SLC25A31: variants seen among roughly 807,000 people sequenced by gnomAD.
The protein encoded by SLC25A31 is ADP/ATP translocase 4.
A neutral mutation model predicts 36.2 loss-of-function variants in SLC25A31; 40 were observed. That is an observed-to-expected ratio of 1.10 (90% CI 0.86 to 1.44). The LOEUF is 1.44. SLC25A31 is among the 40% of genes most tolerant of loss of function. The probability of loss-of-function intolerance (pLI) is 0.00; values close to 1 mark genes in which losing one functional copy is unlikely to be tolerated. For synonymous variants in SLC25A31, 143 were observed against 149.7 expected (o/e 0.96, Z 0.32); for missense variants, 350 against 397.1 (o/e 0.88, Z 1.01).
chr4:127,762,825 G>A (rs924440650), intron 2 of SLC25A31, among the ~76,000 whole-genome samples: 2 of 151,926 alleles, frequency 1.3e-5, no homozygotes, highest in Admixed American at 1.3e-4. Flanking sequence ...TCAGGAGGCT[G>A]AGGCAGGAGA....
At chr4:127,731,336 G>C (rs1731521563) in intron 1 of SLC25A31, among the ~76,000 whole-genome samples, 1 of 152,108 alleles carries the variant, frequency 6.6e-6, no homozygotes, top group South Asian at 2.1e-4. Context: ...GAAGACCAAG[G>C]GGGTACTTCG....
At chr4:127,772,459 A>G (rs1172748852) in intron 5 of SLC25A31, among the ~76,000 whole-genome samples, 1 of 152,020 alleles carries the variant, frequency 6.6e-6, no homozygotes, top group Non-Finnish European at 1.5e-5. Context: ...CTCAAACAAT[A>G]TTTCCAAACT....
At position 127,768,806 on chromosome 4, in the gene SLC25A31, C is replaced by G; in HGVS notation, c.688C>G (p.Gln230Glu). Residue 230 changes from glutamine (Q) to glutamate (E), a missense_variant, in exon 5 of 6, where the codon CAA (glutamine) becomes GAA (glutamate). Transcript: ENST00000281154. ...TPFLVSFFIA[Q>E]VVTTCSGILS... ...ATTTCTTGTCTCCTTTTTCATTGCT[C>G]AAGTTGTGACTACATGCTCTGGAAT... 1 of 1,608,406 alleles carries G rather than the reference C, an allele frequency of 6.2e-7. No homozygotes were observed. Among genetic ancestry groups the G allele is most frequent in the Non-Finnish European group, 8.5e-7 (1 of 1,177,370 alleles).
intron 1 of SLC25A31, among the ~76,000 whole-genome samples, chr4:127,733,271 A>G (rs1201374428): frequency 6.6e-6 from 1 of 152,244 alleles, no homozygotes; most frequent in Non-Finnish European, 1.5e-5. Flanking sequence ...ATACAGGTTG[A>G]GTATCCGAAA....
At chr4:127,744,597 C>T in intron 1 of SLC25A31, 75 bp from the exon 2 acceptor site, 1 of 1,328,194 alleles carries the variant, frequency 7.5e-7, no homozygotes, top group Non-Finnish European at 1.0e-6. Flanking sequence ...GTTCATATAG[C>T]TAAATTTGCT....
intron 2 of SLC25A31, among the ~76,000 whole-genome samples, chr4:127,755,684 G>A (rs895664870): frequency 1.3e-5 from 2 of 152,196 alleles, no homozygotes; most frequent in Non-Finnish European, 2.9e-5. Context: ...TATACTGTTG[G>A]TGGAAATGTA....
At chr4:127,746,950 T>C (rs1296628249) in intron 2 of SLC25A31, among the ~76,000 whole-genome samples, 1 of 152,196 alleles carries the variant, frequency 6.6e-6, no homozygotes. Context: ...GATTTTTATA[T>C]ATGGTGTAAG....
chr4:127,749,269 C>T (rs7688397), intron 2 of SLC25A31, among the ~76,000 whole-genome samples: 4 of 152,018 alleles, frequency 2.6e-5, no homozygotes, highest in African/African-American at 9.7e-5. Flanking sequence ...CATAAGGAAC[C>T]TATGAGACAC....
intron 2 of SLC25A31, among the ~76,000 whole-genome samples, chr4:127,762,212 A>G (rs1732154444): frequency 6.6e-6 from 1 of 152,230 alleles, no homozygotes. Flanking sequence ...GCTGATGAGT[A>G]GATAATGTTC....
intron 1 of SLC25A31, among the ~76,000 whole-genome samples, chr4:127,731,817 C>A (rs1418513770): frequency 2.0e-5 from 3 of 151,268 alleles, no homozygotes; most frequent in Non-Finnish European, 3.0e-5. Context: ...AAAAAAAAAA[C>A]TTTAAACTAT....
intron 2 of SLC25A31, among the ~76,000 whole-genome samples, chr4:127,755,803 G>A (rs1231132915): frequency 2.0e-5 from 3 of 152,196 alleles, no homozygotes; most frequent in Non-Finnish European, 4.4e-5. Flanking sequence ...ATAGGCCAAG[G>A]CGGGCGGATC....
chr4:127,732,096 A>G lies in SLC25A31; in HGVS notation c.232+1319A>G, dbSNP rs539632489. ...GGGATAAGTCTATCAGATATTTTAT[A>G]TAATCCACCCATATAGTTGGATTCA... On this transcript the variant is annotated intron_variant, in intron 1 of 5. Transcript: ENST00000281154. 1.2e-4 allele frequency among the ~76,000 whole-genome samples: 19 copies of G among 152,380 alleles called. 1 individual carries two copies. Among genetic ancestry groups the G allele is most frequent in the Non-Finnish European group, 4.4e-5 (3 of 68,042 alleles).
intron 5 of SLC25A31, among the ~76,000 whole-genome samples, chr4:127,769,222 T>A (rs1732304123): frequency 6.6e-6 from 1 of 152,208 alleles, no homozygotes; most frequent in Non-Finnish European, 1.5e-5. Context: ...CATTGAGATA[T>A]TTCATTATTT....
intron 2 of SLC25A31, among the ~76,000 whole-genome samples, chr4:127,750,906 ATAACT>A (rs1420194441): frequency 6.6e-6 from 1 of 152,220 alleles, no homozygotes; most frequent in Non-Finnish European, 1.5e-5. Context: ...ATATTTATCA[ATAACT>A]TAAATTGTAA....
intron 2 of SLC25A31, among the ~76,000 whole-genome samples, chr4:127,751,136 C>G (rs1256845888): frequency 2.0e-5 from 3 of 152,090 alleles, no homozygotes; most frequent in African/African-American, 2.4e-5. Context: ...GCCAGAAGAA[C>G]AAAGCTGGAG....
Position 127,730,556 on chromosome 4 carries a change from A to G in SLC25A31, c.11A>G (p.Glu4Gly), listed in dbSNP as rs1200435378. MHR[E>G]PAKKKAEKRL... ...ATATCCTTCTCCATCATGCATCGTG[A>G]GCCTGCGAAAAAGAAGGCAGAAAAG... Residue 4 changes from glutamate (E) to glycine (G), a missense_variant, in exon 1 of 6, where the codon GAG becomes GGG. By Grantham distance (98) the Glu-to-Gly change is moderately conservative (BLOSUM62 -2). Coordinates refer to ENST00000281154, the MANE Select transcript of SLC25A31 (RefSeq NM_031291.4). 6.2e-7 allele frequency: 1 copy of G among 1,613,714 alleles called. No individual in the cohort carries two copies. Among genetic ancestry groups the G allele is most frequent in the Non-Finnish European group, 8.5e-7 (1 of 1,179,648 alleles).
intron 2 of SLC25A31, among the ~76,000 whole-genome samples, chr4:127,750,507 G>C (rs1731909062): frequency 6.6e-6 from 1 of 152,030 alleles, no homozygotes; most frequent in Non-Finnish European, 1.5e-5. Flanking sequence ...TACTGTAAAG[G>C]TGATGTGTTT....
Position 127,769,836 on chromosome 4 carries a change from A to T in SLC25A31, c.759+959A>T, listed in dbSNP as rs529707442. On this transcript the variant is annotated intron_variant, in intron 5 of 5. Transcript: ENST00000281154. ...CAGTCAGTGAGAGAACATTCTAAGC[A>T]TAGGGGGAAAATCGTACACAGAAAT... Among the ~76,000 whole-genome samples, 4 of 152,244 alleles carry T rather than the reference A, an allele frequency of 2.6e-5. No homozygotes were observed. The East Asian group carries it at 7.7e-4, about 29-fold the overall frequency.
At chr4:127,764,078 A>G (rs1732192695) in intron 2 of SLC25A31, among the ~76,000 whole-genome samples, 165 bp from the exon 3 acceptor site, 1 of 152,220 alleles carries the variant, frequency 6.6e-6, no homozygotes, top group South Asian at 2.1e-4. Context: ...GGCTATAAAA[A>G]TAAAATATTT....
Sources: gnomAD v4.1 joint callset for allele counts (sites outside exome capture counted in the v4.1 genomes callset) on GRCh38, gnomAD v4.1.1 for gene constraint, MANE v1.5 for transcripts, NCBI Gene and HGNC (gene_info 2026-07-23, HGNC 2026-07-21) for gene names.